The following CELF2 variants were observed in gnomAD, a reference collection of about 807,000 sequenced individuals.
The protein encoded by CELF2 is CUG triplet repeat RNA-binding protein 2.
In CELF2, 8 loss-of-function variants were observed where a neutral mutation model predicts 62.6. The ratio of observed to expected loss-of-function variants is 0.13; its 90% CI spans 0.07 to 0.23. The LOEUF (loss-of-function observed/expected upper bound fraction) is 0.23. Among genes scored for constraint, CELF2 ranks in the 10% least tolerant of loss-of-function variants. The pLI is 1.00. For missense variants in CELF2, 333 were observed against 671.0 expected (o/e 0.50, Z 5.56); for synonymous variants, 258 against 250.0 (o/e 1.03, Z -0.30).
the CELF2 span, among the ~76,000 whole-genome samples, chr10:10,520,369 C>T: frequency 1.3e-5 from 2 of 152,128 alleles, no homozygotes; most frequent in Admixed American, 6.5e-5. Flanking sequence ...TGTCCAGCCT[C>T]CAGGGTTAGG....
At chr10:10,493,692 C>G in the CELF2 span, among the ~76,000 whole-genome samples, 2 of 151,956 alleles carry the variant, frequency 1.3e-5, no homozygotes, top group African/African-American at 4.8e-5. Flanking sequence ...ACACTACATA[C>G]AGCTAATTTT....
At chr10:11,317,388 TAA>T (rs1375618099) in intron 10 of CELF2, 1 of 152,224 alleles carries the variant, frequency 6.6e-6, no homozygotes, top group African/African-American at 2.4e-5. Context: ...GGCAGATATA[TAA>T]GTGACACCCA....
At chr10:11,040,443 A>G (rs965811030) in intron 1 of CELF2, among the ~76,000 whole-genome samples, 1 of 152,170 alleles carries the variant, frequency 6.6e-6, no homozygotes, top group Non-Finnish European at 1.5e-5. Context: ...TTAAAGGTAT[A>G]ATTTGTACAG....
intron 3 of CELF2, among the ~76,000 whole-genome samples, chr10:11,236,900 G>C (rs2071573874): frequency 6.6e-6 from 1 of 152,226 alleles, no homozygotes; most frequent in Non-Finnish European, 1.5e-5. Context: ...CTAGAAGAGA[G>C]AGTGATGGAA....
chr10:10,761,905 CGTGTGTGTGTGT>C, the CELF2 span, among the ~76,000 whole-genome samples: 93 of 128,972 alleles, frequency 7.2e-4, no homozygotes, highest in East Asian at 9.2e-3. Context: ...TATAATAAAC[CGTGTGTGTGTGT>C]GTGTGTGTGT....
At chr10:11,114,683 G>C (rs1156517483) in intron 1 of CELF2, among the ~76,000 whole-genome samples, 1 of 152,210 alleles carries the variant, frequency 6.6e-6, no homozygotes, top group Non-Finnish European at 1.5e-5. Context: ...GTGGCAATGG[G>C]TTGGCCACAG....
In CELF2 at chr10:11,328,743, C is replaced by A. The variant is rs988567150; in HGVS notation, c.1439-183C>A. On this transcript the variant is annotated intron_variant, in intron 12 of 12. Coordinates refer to ENST00000633077, the MANE Select transcript of CELF2 (RefSeq NM_001326342.2). This position sits in a 1 kb window ranked among gnomAD's most constrained non-coding sequence, Gnocchi z 6.4. ...AGTCCAGCCAGCTGCTCCACAGCTG[C>A]TCAGTGGGCACGCCCCATCATCCAC... 2.6e-5 allele frequency among the ~76,000 whole-genome samples: 4 copies of A among 152,152 alleles called. No homozygotes were observed. Among genetic ancestry groups the A allele is most frequent in the African/African-American group, 9.7e-5 (4 of 41,398 alleles).
rs2094149810 is a variant in CELF2, at chr10:11,305,712, C to T, written c.977-8427C>T. Among the ~76,000 whole-genome samples the T allele has an allele frequency of 6.6e-6, 1 of 152,216 alleles. No homozygotes were observed. The highest frequency in any genetic ancestry group is 1.5e-5 in the Non-Finnish European group (1 of 68,038). ...AAGAATCTCTTCTGGGTGTAGTGTT[C>T]ATCCCAGACCTAGCACAGCTCTAAG... On this transcript the variant is annotated intron_variant, in intron 9 of 12. Coordinates refer to ENST00000633077, the MANE Select transcript of CELF2 (RefSeq NM_001326342.2). This position sits in a 1 kb window ranked among gnomAD's most constrained non-coding sequence, Gnocchi z 4.8.
At chr10:10,890,175 G>A (rs2062031392) in intron 1 of CELF2, among the ~76,000 whole-genome samples, 1 of 152,192 alleles carries the variant, frequency 6.6e-6, no homozygotes, top group African/African-American at 2.4e-5. Context: ...CAAAGAGAAG[G>A]AGAATAATGA....
chr10:10,844,871 C>T (rs529773749), intron 1 of CELF2, among the ~76,000 whole-genome samples: 2 of 152,222 alleles, frequency 1.3e-5, no homozygotes, highest in East Asian at 3.9e-4. Context: ...CTGTTTATTG[C>T]TCACCTCTTC....
intron 1 of CELF2, among the ~76,000 whole-genome samples, chr10:10,907,753 C>T (rs2063464094): frequency 6.6e-6 from 1 of 152,000 alleles, no homozygotes; most frequent in Admixed American, 6.6e-5. Flanking sequence ...ATTCCCGTTG[C>T]TACAGAAAAA....
intron 1 of CELF2, among the ~76,000 whole-genome samples, chr10:10,864,614 G>A (rs1005636884): frequency 3.3e-5 from 5 of 152,088 alleles, no homozygotes; most frequent in South Asian, 2.1e-4. Flanking sequence ...TGGGGGAAGC[G>A]TTCTGGCTCA....
At chr10:10,762,251 A>G in the CELF2 span, among the ~76,000 whole-genome samples, 349 of 152,156 alleles carry the variant, frequency 2.3e-3, 1 homozygote, top group Admixed American at 3.1e-3. Context: ...TTGGCAGGAG[A>G]AGAGTTCTAC....
At chr10:11,068,094 GA>G (rs1168689640) in intron 1 of CELF2, among the ~76,000 whole-genome samples, 1 of 152,210 alleles carries the variant, frequency 6.6e-6, no homozygotes, top group African/African-American at 2.4e-5. Context: ...TGTGGAGATA[GA>G]ACCAAATTTA....
intron 2 of CELF2, among the ~76,000 whole-genome samples, chr10:11,206,642 G>A (rs1203616334): frequency 2.0e-5 from 3 of 152,164 alleles, no homozygotes; most frequent in Non-Finnish European, 2.9e-5. Context: ...GCCAATTAAC[G>A]TCCACTTTAG....
the CELF2 span, among the ~76,000 whole-genome samples, chr10:10,654,787 C>T: frequency 6.7e-6 from 1 of 148,774 alleles, no homozygotes; most frequent in Non-Finnish European, 1.5e-5. Flanking sequence ...AAACTGGAAG[C>T]ATTCCCTTTG....
At chr10:10,900,923 A>G (rs958863483) in intron 1 of CELF2, among the ~76,000 whole-genome samples, 11 of 152,252 alleles carry the variant, frequency 7.2e-5, no homozygotes. Context: ...GTATTTCTGT[A>G]CACTGTACCT....
chr10:11,171,810 T>TA (rs2068954638), intron 2 of CELF2, among the ~76,000 whole-genome samples: 1 of 151,960 alleles, frequency 6.6e-6, no homozygotes, highest in Non-Finnish European at 1.5e-5. Flanking sequence ...TGGCATGGTC[T>TA]AAAGCGGGTT....
intron 2 of CELF2, among the ~76,000 whole-genome samples, chr10:11,195,422 C>A (rs1652063826): frequency 6.6e-6 from 1 of 152,186 alleles, no homozygotes; most frequent in African/African-American, 2.4e-5. Context: ...TGAAGCCAGA[C>A]TTAGGTACCG....
Sources: allele counts gnomAD v4.1 joint callset (sites outside exome capture counted in the v4.1 genomes callset), GRCh38; gene constraint gnomAD v4.1.1; non-coding constraint Gnocchi (gnomAD v3.1); transcripts MANE v1.5; gene names NCBI Gene and HGNC (gene_info 2026-07-23, HGNC 2026-07-21).